Variants in PTPRM observed in about 807,000 individuals in gnomAD.
PTPRM encodes protein tyrosine phosphatase receptor type M.
Under a neutral mutation model 186.7 loss-of-function variants are expected in PTPRM, and 47 were observed. The observed-to-expected ratio is 0.25, with a 90% CI of 0.20 to 0.32. The LOEUF is 0.32. Among genes scored for constraint, PTPRM ranks in the 10% least tolerant of loss-of-function variants. The pLI is 1.00. For synonymous variants in PTPRM, 668 were observed against 674.9 expected (o/e 0.99, Z 0.16); for missense variants, 1,494 against 1,865.0 (o/e 0.80, Z 3.66).
At chr18:7,826,429 T>C (rs186953093) in intron 2 of PTPRM, among the ~76,000 whole-genome samples, 204 of 152,354 alleles carry the variant, frequency 1.3e-3, no homozygotes, top group Non-Finnish European at 2.6e-3. Flanking sequence ...TAATGAAGAA[T>C]GGCTGACTTA....
chr18:8,328,598 A>G (rs992818716), intron 22 of PTPRM, among the ~76,000 whole-genome samples: 29 of 152,228 alleles, frequency 1.9e-4, no homozygotes, highest in African/African-American at 7.0e-4. Flanking sequence ...TACCTAGTGA[A>G]GTGGAGTATT....
At chr18:7,991,008 T>A (rs10502366) in intron 7 of PTPRM, among the ~76,000 whole-genome samples, 51,377 of 152,060 alleles carry the variant, frequency 0.34, 9,596 homozygotes, top group Non-Finnish European at 0.43. Context: ...CCAGTATAAT[T>A]GAGTGTAATT....
intron 2 of PTPRM, among the ~76,000 whole-genome samples, chr18:7,841,552 C>G (rs942038204): frequency 6.6e-6 from 1 of 152,068 alleles, no homozygotes; most frequent in African/African-American, 2.4e-5. Flanking sequence ...CCTCAGCCTC[C>G]CAAAGTGCTG....
chr18:8,156,227 C>G (rs4121769), intron 14 of PTPRM, among the ~76,000 whole-genome samples: 6,112 of 152,170 alleles, frequency 0.04, 267 homozygotes, highest in African/African-American at 0.11. Context: ...TTTCTTGACT[C>G]AACCTAATGG....
At chr18:8,229,604 T>C (rs1369097528) in intron 14 of PTPRM, among the ~76,000 whole-genome samples, 2 of 152,178 alleles carry the variant, frequency 1.3e-5, no homozygotes, top group Non-Finnish European at 2.9e-5. Context: ...ATGATTCTTT[T>C]GTTTATTGTA....
chr18:8,138,468 C>T (rs1410519470), intron 13 of PTPRM, among the ~76,000 whole-genome samples: 1 of 152,056 alleles, frequency 6.6e-6, no homozygotes, highest in Non-Finnish European at 1.5e-5. Context: ...TGGGACATCC[C>T]TCCCTTCCCT....
At chr18:7,832,236 T>C (rs2045798316) in intron 2 of PTPRM, among the ~76,000 whole-genome samples, 1 of 152,206 alleles carries the variant, frequency 6.6e-6, no homozygotes, top group South Asian at 2.1e-4. Flanking sequence ...AATTTACATT[T>C]CCACCAACTG....
intron 21 of PTPRM, among the ~76,000 whole-genome samples, chr18:8,317,592 T>G (rs1232869714): frequency 6.6e-6 from 1 of 152,130 alleles, no homozygotes; most frequent in Non-Finnish European, 1.5e-5. Flanking sequence ...CAACCAGGCC[T>G]TCCACATCAA....
At chr18:8,376,306 T>C in intron 25 of PTPRM, 106 bp downstream of exon 25, 1 of 1,536,128 alleles carries the variant, frequency 6.5e-7, no homozygotes, top group Non-Finnish European at 8.8e-7. Flanking sequence ...GGGTGATGAT[T>C]GCACAACATT....
chr18:7,702,992 G>T, intron 1 of PTPRM, among the ~76,000 whole-genome samples: 1 of 152,138 alleles, frequency 6.6e-6, no homozygotes, highest in East Asian at 1.9e-4. Context: ...TGTTGTAGTT[G>T]TGTGGTATTA....
At chr18:7,860,995 C>G (rs961205605) in intron 2 of PTPRM, among the ~76,000 whole-genome samples, 1 of 152,172 alleles carries the variant, frequency 6.6e-6, no homozygotes, top group African/African-American at 2.4e-5. Context: ...AAAAGTTCTT[C>G]CACTGAGAAA....
chr18:7,795,326 G>A (rs1247788424), intron 2 of PTPRM, among the ~76,000 whole-genome samples: 1 of 152,084 alleles, frequency 6.6e-6, no homozygotes, highest in Non-Finnish European at 1.5e-5. Context: ...TCTCAGAGTG[G>A]GATCTGTTTT....
At chr18:7,688,148 T>C (rs1381238984) in intron 1 of PTPRM, among the ~76,000 whole-genome samples, 1 of 152,170 alleles carries the variant, frequency 6.6e-6, no homozygotes, top group Non-Finnish European at 1.5e-5. Flanking sequence ...TGGCATCATA[T>C]TTTGTCACAC....
chr18:8,221,557 A>C (rs954507622), intron 14 of PTPRM, among the ~76,000 whole-genome samples: 1 of 152,182 alleles, frequency 6.6e-6, no homozygotes, highest in Non-Finnish European at 1.5e-5. Flanking sequence ...TAGATAGAAA[A>C]ACGAAAGTGA....
intron 2 of PTPRM, among the ~76,000 whole-genome samples, chr18:7,874,847 G>C (rs1436015861): frequency 6.6e-6 from 1 of 152,184 alleles, no homozygotes; most frequent in East Asian, 1.9e-4. Flanking sequence ...GAAAGGAGCT[G>C]AGGAGCTGAA....
intron 13 of PTPRM, among the ~76,000 whole-genome samples, chr18:8,140,312 G>A (rs748417168): frequency 2.6e-5 from 4 of 152,086 alleles, no homozygotes; most frequent in African/African-American, 7.2e-5. Flanking sequence ...TGAGTACATC[G>A]TGTTCTCAGC....
intron 14 of PTPRM, among the ~76,000 whole-genome samples, chr18:8,211,719 A>T (rs921108807): frequency 4.0e-5 from 6 of 151,728 alleles, no homozygotes; most frequent in Admixed American, 3.3e-4. Flanking sequence ...CTTCTGATTG[A>T]CTCATTTTCC....
chr18:7,602,694 A>AT (rs1289562052), intron 1 of PTPRM, among the ~76,000 whole-genome samples: 2 of 151,726 alleles, frequency 1.3e-5, no homozygotes, highest in Non-Finnish European at 2.9e-5. Flanking sequence ...CTTTATAGAA[A>AT]TGTTAAATAG....
intron 7 of PTPRM, among the ~76,000 whole-genome samples, chr18:8,030,692 G>A (rs1243507529): frequency 2.0e-5 from 3 of 152,182 alleles, no homozygotes. Context: ...CAAAATGTAT[G>A]TGAAGTAGCA....
Sources: allele counts gnomAD v4.1 joint callset (sites outside exome capture counted in the v4.1 genomes callset), GRCh38; gene constraint gnomAD v4.1.1; transcripts MANE v1.5; gene names NCBI Gene and HGNC (gene_info 2026-07-23, HGNC 2026-07-21).